The following DAB1 variants were observed in gnomAD, a reference collection of about 807,000 sequenced individuals.
DAB1 encodes the protein disabled homolog 1.
A neutral mutation model predicts 64.6 loss-of-function variants in DAB1; 15 were observed. The observed-to-expected ratio is 0.23, with a 90% CI of 0.16 to 0.36. The LOEUF is 0.36. Among genes scored for constraint, DAB1 ranks in the 10% least tolerant of loss-of-function variants. The pLI is 1.00. For synonymous variants in DAB1, 235 were observed against 251.9 expected (o/e 0.93, Z 0.64); for missense variants, 596 against 706.7 (o/e 0.84, Z 1.78).
chr1:57,509,778 C>CTTCA (rs1489077265), intron 7 of DAB1, among the ~76,000 whole-genome samples: 7 of 152,180 alleles, frequency 4.6e-5, no homozygotes, highest in African/African-American at 1.7e-4. Flanking sequence ...TTGCTAAGGA[C>CTTCA]TTCAGTTCTT....
At chr1:57,496,413 A>G (rs180985001) in intron 7 of DAB1, among the ~76,000 whole-genome samples, 133 of 152,282 alleles carry the variant, frequency 8.7e-4, no homozygotes, top group Non-Finnish European at 4.6e-4. Flanking sequence ...CTGTGAGGAT[A>G]AAAAAACACA....
At chr1:58,084,027 C>G (rs1650155705) in intron 5 of DAB1, among the ~76,000 whole-genome samples, 1 of 152,100 alleles carries the variant, frequency 6.6e-6, no homozygotes, top group Non-Finnish European at 1.5e-5. Context: ...AGAAGGGAAG[C>G]AGGGAAGAAA....
At chr1:57,464,617 A>T (rs1216364897) in intron 7 of DAB1, among the ~76,000 whole-genome samples, 1 of 152,212 alleles carries the variant, frequency 6.6e-6, no homozygotes, top group Non-Finnish European at 1.5e-5. Context: ...TTAAATAAGT[A>T]TTTCTCAAAT....
intron 4 of DAB1, among the ~76,000 whole-genome samples, chr1:58,209,020 T>A (rs925827940): frequency 6.6e-6 from 1 of 152,078 alleles, no homozygotes; most frequent in Non-Finnish European, 1.5e-5. Context: ...AAGTGACACA[T>A]AAAATGAGTC....
At chr1:58,170,151 T>A (rs2100764534) in intron 4 of DAB1, among the ~76,000 whole-genome samples, 1 of 152,286 alleles carries the variant, frequency 6.6e-6, no homozygotes, top group East Asian at 1.9e-4. Context: ...TCCCTACTGG[T>A]CAGCAAGCCA....
intron 1 of DAB1, among the ~76,000 whole-genome samples, chr1:57,345,150 G>A (rs1677976195): frequency 6.6e-6 from 1 of 152,146 alleles, no homozygotes; most frequent in Admixed American, 6.5e-5. Flanking sequence ...TGGGCCCTAA[G>A]TCTTTCCCGA....
rs139623142 is a variant in DAB1, at chr1:58,391,111, C to T, written n.258-47708G>A. Among the ~76,000 whole-genome samples the T allele has an allele frequency of 2.2e-3, 335 of 152,290 alleles. 2 individuals carry two copies. The highest frequency in any genetic ancestry group is 7.6e-3 in the African/African-American group (315 of 41,554). ...GGAAAACTATTCAGGGGCCTCATTA[C>T]ACAGGTAATGGAAAAGCAGAAGTGG... On this transcript the variant is annotated intron_variant and non_coding_transcript_variant, in intron 3 of 20. Transcript: ENST00000485760.
intron 2 of DAB1, among the ~76,000 whole-genome samples, chr1:57,223,543 A>T (rs1667040245): frequency 6.6e-6 from 1 of 152,290 alleles, no homozygotes; most frequent in Non-Finnish European, 1.5e-5. Context: ...TACGTACATC[A>T]TTAAGTAGAA....
intron 2 of DAB1, among the ~76,000 whole-genome samples, chr1:58,522,550 G>A (rs1455661786): frequency 1.3e-5 from 2 of 151,980 alleles, no homozygotes; most frequent in Non-Finnish European, 2.9e-5. Flanking sequence ...AAAGTTTTTG[G>A]CTATTGCAAT....
intron 5 of DAB1, among the ~76,000 whole-genome samples, chr1:57,903,558 T>C (rs545643405): frequency 1.6e-4 from 25 of 152,288 alleles, no homozygotes; most frequent in African/African-American, 5.8e-4. Context: ...TTCTGGAGCC[T>C]TCCCATTTAC....
intron 2 of DAB1, among the ~76,000 whole-genome samples, chr1:58,507,523 T>A (rs914234420): frequency 1.3e-5 from 2 of 151,972 alleles, no homozygotes; most frequent in African/African-American, 4.8e-5. Flanking sequence ...CTCTGAGTAT[T>A]CTAAGTTGAA....
chr1:57,678,296 A>G (rs916711304), intron 6 of DAB1, among the ~76,000 whole-genome samples: 2 of 152,210 alleles, frequency 1.3e-5, no homozygotes, highest in Non-Finnish European at 2.9e-5. Flanking sequence ...GAGAGCATGC[A>G]TTGAGAACTA....
intron 3 of DAB1, among the ~76,000 whole-genome samples, chr1:58,407,932 A>T (rs1207800404): frequency 6.6e-6 from 1 of 152,062 alleles, no homozygotes; most frequent in Non-Finnish European, 1.5e-5. Flanking sequence ...ATGTGACCTG[A>T]CTTGCACTGG....
At chr1:57,493,814 G>C (rs553953511) in intron 7 of DAB1, among the ~76,000 whole-genome samples, 1 of 147,508 alleles carries the variant, frequency 6.8e-6, no homozygotes, top group South Asian at 2.1e-4. Context: ...CTTTCCCACT[G>C]AGAATGTCCA....
At chr1:57,076,886 C>T (rs1418421199) in intron 4 of DAB1, among the ~76,000 whole-genome samples, 2 of 152,206 alleles carry the variant, frequency 1.3e-5, no homozygotes, top group Middle Eastern at 3.2e-3. Flanking sequence ...AGCATGTGTA[C>T]TTATTGAGTG....
At position 57,912,276 on chromosome 1, in the gene DAB1, G is replaced by A. The variant is rs79189950; in HGVS notation, n.388-28114C>T. Among the ~76,000 whole-genome samples, 288 of 152,092 alleles carry A rather than the reference G, an allele frequency of 1.9e-3. 1 individual carries two copies. Among genetic ancestry groups the A allele is most frequent in the African/African-American group, 6.7e-3 (277 of 41,468 alleles). On this transcript the variant is annotated intron_variant and non_coding_transcript_variant, in intron 5 of 20. Transcript: ENST00000485760. ...CCATTTGCAGCAATCTAATTTCGTG[G>A]GTCTGTCTTTATCTCCATTAAGCAA...
In DAB1 at chr1:57,877,686, G is replaced by A. The variant is rs1190155441; in HGVS notation, n.87+6313C>T. Among the ~76,000 whole-genome samples the A allele has an allele frequency of 5.1e-5, 4 of 78,254 alleles. 2 individuals carry two copies. Among genetic ancestry groups the A allele is most frequent in the African/African-American group, 2.3e-4 (4 of 17,228 alleles). 51.3% of individuals were successfully genotyped at this position (78,254 alleles called of 152,430 possible). A position where few individuals can be genotyped will look rare whatever the true frequency, so the allele number is the denominator to read the frequency against. On this transcript the variant is annotated intron_variant and non_coding_transcript_variant, in intron 1 of 1. Transcript: ENST00000477280. Reference sequence around the variant, plus strand: ...CGCCATTCTCCTGCCTCAGCCTCCCGAGTAGCTGGGACTACAGGCGCCCAC... The same window carrying A: ...CGCCATTCTCCTGCCTCAGCCTCCCAAGTAGCTGGGACTACAGGCGCCCAC...
intron 3 of DAB1, among the ~76,000 whole-genome samples, chr1:58,452,938 G>A (rs1356756888): frequency 2.2e-4 from 33 of 151,816 alleles, no homozygotes; most frequent in Non-Finnish European, 5.9e-5. Flanking sequence ...AAATGAAAAA[G>A]TATATTCACA....
At chr1:57,841,685 G>A (rs1014013649) in intron 1 of DAB1, among the ~76,000 whole-genome samples, 4 of 152,208 alleles carry the variant, frequency 2.6e-5, no homozygotes, top group Non-Finnish European at 4.4e-5. Context: ...TGGCTGGAAT[G>A]CAGGGTGCCA....
Sources: gnomAD v4.1 joint callset for allele counts (sites outside exome capture counted in the v4.1 genomes callset) on GRCh38, gnomAD v4.1.1 for gene constraint, MANE v1.5 for transcripts, NCBI Gene and HGNC (gene_info 2026-07-23, HGNC 2026-07-21) for gene names.